Variants in DPYD observed in about 807,000 individuals in gnomAD.
DPYD encodes dihydropyrimidine dehydrogenase, also known as dihydropyrimidine dehydrogenase [NADP(+)].
DPYD carries 109 observed loss-of-function variants against 116.2 expected under a neutral mutation model. The observed-to-expected ratio is 0.94, with a 90% confidence interval of 0.80 to 1.10. DPYD has a LOEUF of 1.10. DPYD is among the 50% of genes least tolerant of loss of function. The pLI is 0.00. For missense variants in DPYD, 1,302 were observed against 1,254.5 expected (o/e 1.04, Z -0.57); for synonymous variants, 440 against 432.0 (o/e 1.02, Z -0.23).
chr1:97,482,725 GC>G (rs1678392974), intron 13 of DPYD, among the ~76,000 whole-genome samples: 2 of 152,068 alleles, frequency 1.3e-5, no homozygotes, highest in Admixed American at 6.6e-5. Flanking sequence ...CTGAGAATAG[GC>G]CAGTTACTTT....
At chr1:97,670,819 T>C (rs1403186668) in intron 8 of DPYD, among the ~76,000 whole-genome samples, 1 of 152,090 alleles carries the variant, frequency 6.6e-6, no homozygotes, top group Non-Finnish European at 1.5e-5. Context: ...ACTTTAAGAG[T>C]TAATTAAACC....
intron 8 of DPYD, among the ~76,000 whole-genome samples, chr1:97,627,536 C>T (rs1447783192): frequency 1.3e-5 from 2 of 151,918 alleles, no homozygotes; most frequent in African/African-American, 2.4e-5. Context: ...TTTCTAAGAA[C>T]CAAAAAATGT....
chr1:97,416,274 A>G (rs1247719723), intron 14 of DPYD, among the ~76,000 whole-genome samples: 3 of 152,208 alleles, frequency 2.0e-5, no homozygotes, highest in African/African-American at 7.2e-5. Flanking sequence ...ATTCACATAA[A>G]TTAATCTCTC....
At chr1:97,267,045 C>T (rs528433049) in intron 18 of DPYD, among the ~76,000 whole-genome samples, 29 of 152,096 alleles carry the variant, frequency 1.9e-4, no homozygotes, top group East Asian at 5.8e-4. Context: ...GTATATACCC[C>T]GTAATGGGAT....
At chr1:97,142,854 A>G (rs1654330872) in intron 20 of DPYD, among the ~76,000 whole-genome samples, 1 of 152,104 alleles carries the variant, frequency 6.6e-6, no homozygotes, top group Non-Finnish European at 1.5e-5. Flanking sequence ...TATTTTGATG[A>G]AATATTTGAT....
At chr1:97,379,799 A>G (rs1671840386) in intron 15 of DPYD, among the ~76,000 whole-genome samples, 1 of 152,228 alleles carries the variant, frequency 6.6e-6, no homozygotes, top group Non-Finnish European at 1.5e-5. Context: ...GAGAGACAGG[A>G]GACTGAAGGA....
At chr1:97,668,389 T>C (rs548333725) in intron 8 of DPYD, among the ~76,000 whole-genome samples, 12 of 152,196 alleles carry the variant, frequency 7.9e-5, no homozygotes, top group Non-Finnish European at 1.3e-4. Context: ...ATATGAATAA[T>C]ACCAATCCAA....
At chr1:97,303,539 T>C (rs962319468) in intron 18 of DPYD, among the ~76,000 whole-genome samples, 6 of 152,072 alleles carry the variant, frequency 3.9e-5, no homozygotes, top group Non-Finnish European at 8.8e-5. Flanking sequence ...GGTACTCTGT[T>C]ATAGAACTTG....
intron 14 of DPYD, among the ~76,000 whole-genome samples, chr1:97,429,505 C>G (rs1411692258): frequency 6.6e-6 from 1 of 151,824 alleles, no homozygotes; most frequent in African/African-American, 2.4e-5. Flanking sequence ...GTACATTTAA[C>G]CGTTGTGTAT....
intron 1 of DPYD, among the ~76,000 whole-genome samples, chr1:97,907,811 G>T (rs565855282): frequency 1.1e-4 from 16 of 151,538 alleles, no homozygotes; most frequent in Non-Finnish European, 1.8e-4. Context: ...TTCTTGGGCT[G>T]CCATTAAAAA....
chr1:97,188,648 G>A (rs976650974), intron 20 of DPYD, among the ~76,000 whole-genome samples: 9 of 152,180 alleles, frequency 5.9e-5, no homozygotes, highest in African/African-American at 1.9e-4. Context: ...GGAGGCCAAG[G>A]AAGAGGGTCA....
Position 97,167,027 on chromosome 1 carries a change from AT to A in DPYD, c.2622+26041del, listed in dbSNP as rs200623627. On this transcript the variant is annotated intron_variant, in intron 20 of 22. Coordinates refer to ENST00000370192, the MANE Select transcript of DPYD (RefSeq NM_000110.4). ...ATTAATGCTAAATTCAGAAATAGGA[AT>A]TTTTTTTATAGCCAAAGTTTAGATT... 1.4e-3 allele frequency among the ~76,000 whole-genome samples: 211 copies of A among 152,172 alleles called. 1 individual carries two copies. The highest frequency in any genetic ancestry group is 3.0e-3 in the Admixed American group (46 of 15,268).
chr1:97,776,363 C>A (rs535361930), intron 3 of DPYD, among the ~76,000 whole-genome samples: 1 of 152,054 alleles, frequency 6.6e-6, no homozygotes, highest in Non-Finnish European at 1.5e-5. Context: ...CCTAAAATTA[C>A]GCCAAGGTGT....
intron 13 of DPYD, among the ~76,000 whole-genome samples, chr1:97,487,651 C>G (rs569051373): frequency 2.0e-5 from 3 of 151,994 alleles, no homozygotes; most frequent in African/African-American, 7.2e-5. Flanking sequence ...CCAGCCTGGG[C>G]GACAGAGCGC....
rs113077990 is a variant in DPYD, at chr1:97,717,415, T to C, written c.483+4095A>G. Among the ~76,000 whole-genome samples, 828 of 152,238 alleles carry C rather than the reference T, an allele frequency of 5.4e-3. 7 individuals carry two copies. The highest frequency in any genetic ancestry group is 0.019 in the African/African-American group (785 of 41,572). ...TTGCTTGTCAGTTCCATTCTCTTTT[T>C]TGGCTTAAAACCACAGAAATTTCTT... is the stretch of plus-strand genomic sequence containing the variant. On this transcript the variant is annotated intron_variant, in intron 5 of 22. Coordinates refer to ENST00000370192, the MANE Select transcript of DPYD (RefSeq NM_000110.4).
chr1:97,152,439 T>C (rs11165790), intron 20 of DPYD, among the ~76,000 whole-genome samples: 63 of 145,340 alleles, frequency 4.3e-4, no homozygotes, highest in Non-Finnish European at 7.3e-4. Context: ...CTGAATCACA[T>C]ACACACACAC....
At chr1:97,464,171 G>A (rs879826639) in intron 13 of DPYD, among the ~76,000 whole-genome samples, 61 of 151,688 alleles carry the variant, frequency 4.0e-4, no homozygotes, top group South Asian at 8.3e-4. Flanking sequence ...CCTGGGAGGC[G>A]GAGGTTGCAG....
intron 16 of DPYD, among the ~76,000 whole-genome samples, chr1:97,352,580 T>A (rs1207319419): frequency 6.8e-6 from 1 of 147,526 alleles, no homozygotes; most frequent in African/African-American, 2.5e-5. Flanking sequence ...AAAAAAAAAA[T>A]CTTACAGATT....
chr1:97,807,124 C>T (rs560682460), intron 3 of DPYD, among the ~76,000 whole-genome samples: 3 of 152,102 alleles, frequency 2.0e-5, no homozygotes, highest in South Asian at 2.1e-4. Flanking sequence ...AGTAAACATC[C>T]GTGTGCAGGT....
Sources: gnomAD v4.1 joint callset for allele counts (sites outside exome capture counted in the v4.1 genomes callset) on GRCh38, gnomAD v4.1.1 for gene constraint, MANE v1.5 for transcripts, NCBI Gene and HGNC (gene_info 2026-07-23, HGNC 2026-07-21) for gene names.